The following SYNE1 variants were observed in gnomAD, a reference collection of about 807,000 sequenced individuals.
SYNE1 encodes the protein spectrin repeat containing nuclear envelope protein 1.
Under a neutral mutation model 1,111.0 loss-of-function variants are expected in SYNE1, and 616 were observed. The ratio of observed to expected loss-of-function variants is 0.55; its 90% CI spans 0.52 to 0.59. The LOEUF (loss-of-function observed/expected upper bound fraction) is 0.59. Ranked by LOEUF, SYNE1 falls within the 20% of genes least tolerant of loss-of-function variation. The probability of loss-of-function intolerance (pLI) is 0.00; values close to 1 mark genes in which losing one functional copy is unlikely to be tolerated. For synonymous variants in SYNE1, 3,855 were observed against 3,825.8 expected, an observed-to-expected ratio of 1.01 and a Z score of -0.28; for missense variants, 10,006 against 10,417.0, an observed-to-expected ratio of 0.96 and a Z score of 1.72.
chr6:152,242,949 A>G (rs1158632813), intron 106 of SYNE1, among the ~76,000 whole-genome samples: 1 of 152,208 alleles, frequency 6.6e-6, no homozygotes, highest in Non-Finnish European at 1.5e-5. Flanking sequence ...TGCAATTTAG[A>G]TTGATTACAA....
Position 152,278,228 on chromosome 6 carries a change from A to T in SYNE1, c.18434T>A (p.Val6145Asp). Residue 6145 changes from valine to aspartate, a missense_variant, in exon 98 of 146, where the codon GTC becomes GAC. Val to Asp is a radical substitution (Grantham distance 152). Coordinates refer to ENST00000367255, the MANE Select transcript of SYNE1 (RefSeq NM_182961.4). ...CTCCAGCAGCAGGTTCTCATTGTGGACTGACAGTTCTGATAAAGCCACCAC... is the reference window on the plus strand; with the variant it reads ...CTCCAGCAGCAGGTTCTCATTGTGGTCTGACAGTTCTGATAAAGCCACCAC... The part of the protein sequence containing the change: ...QKVVALSELS[V>D]HNENLLLEGK... 1 of 1,614,120 alleles carries T rather than the reference A, an allele frequency of 6.2e-7. No homozygotes were observed. Among genetic ancestry groups the T allele is most frequent in the Non-Finnish European group, 8.5e-7 (1 of 1,180,032 alleles).
At chr6:152,237,980 A>T (rs2084616202) in intron 108 of SYNE1, among the ~76,000 whole-genome samples, 1 of 152,190 alleles carries the variant, frequency 6.6e-6, no homozygotes, top group Non-Finnish European at 1.5e-5. Context: ...CTTACCAAAT[A>T]TCTATTGCCT....
chr6:152,302,476 C>T (rs1300182879), intron 91 of SYNE1, among the ~76,000 whole-genome samples: 1 of 152,132 alleles, frequency 6.6e-6, no homozygotes, highest in East Asian at 1.9e-4. Flanking sequence ...GCTAAAACCA[C>T]ACCAAAAAAA....
Position 152,541,514 on chromosome 6 carries a change from C to T in SYNE1, c.68-1493G>A, listed in dbSNP as rs560139470. ...CTGTAATCCCAGCACTTTGGGAGGC[C>T]GAGGCAGGCAGATTACGAGGTCAGG... is the stretch of plus-strand genomic sequence containing the variant. On this transcript the variant is annotated intron_variant, in intron 3 of 145. Transcript: ENST00000367255. 2.0e-5 allele frequency among the ~76,000 whole-genome samples: 3 copies of T among 151,902 alleles called. No homozygotes were observed. The East Asian group carries it at 5.8e-4, about 29-fold the overall frequency.
At chr6:152,585,814 T>C (rs2128466148) in intron 3 of SYNE1, among the ~76,000 whole-genome samples, 1 of 152,348 alleles carries the variant, frequency 6.6e-6, no homozygotes, top group Middle Eastern at 3.4e-3. Flanking sequence ...CCATATGGAA[T>C]CGTAAAAATA....
In SYNE1 at chr6:152,218,325, G is replaced by C; in HGVS notation, c.22123C>G (p.Leu7375Val). The change falls in exon 121 of 146, where the codon CTA becomes GTA. Residue 7375 changes from leucine (L) to valine (V), a missense_variant. Coordinates refer to ENST00000367255, the MANE Select transcript of SYNE1 (RefSeq NM_182961.4). ...EAWIVEAEEI[L>V]QGQDPSHSSD... is the part of the protein sequence containing the mutation. ...GAGTGGCTAGGGTCCTGCCCTTGTA[G>C]TATTTCTTCAGCTTCCACTATCCAG... 6.2e-7 allele frequency: 1 copy of C among 1,613,940 alleles called. No individual in the cohort carries two copies. The highest frequency in any genetic ancestry group is 8.5e-7 in the Non-Finnish European group (1 of 1,179,950).
rs34186293 is a variant in SYNE1 at position 152,336,631 on chromosome 6, C to T, written c.12528+210G>A. On this transcript the variant is annotated intron_variant, in intron 76 of 145. Transcript: ENST00000367255. ...TGGAGTTCAGGCATTAATGCTTGCT[C>T]GCCTCCCACTGTGCGGCCAGGTTCC... The T allele has an allele frequency of 0.076, 48,175 of 636,608 alleles. 1,967 individuals are homozygous for T. The highest frequency in any genetic ancestry group is 0.11 in the East Asian group (3,809 of 34,042). The allele number at this position is 636,608 out of a possible 1,614,324, so 39.4% of individuals were successfully genotyped here.
chr6:152,346,746 C>G (rs968892259), intron 73 of SYNE1, among the ~76,000 whole-genome samples: 4 of 152,080 alleles, frequency 2.6e-5, no homozygotes, highest in Non-Finnish European at 5.9e-5. Context: ...GGAGGCGGAG[C>G]TTGCAGTGAG....
In SYNE1 at chr6:152,233,879, C is replaced by A. The variant is rs1325926532; in HGVS notation, c.20614G>T (p.Val6872Leu). The A allele has an allele frequency of 6.2e-7, 1 of 1,614,184 alleles. No homozygotes were observed. Among genetic ancestry groups the A allele is most frequent in the Admixed American group, 1.7e-5 (1 of 60,028 alleles). Residue 6872 changes from valine (V) to leucine (L), a missense_variant, in exon 112 of 146, where the codon GTG becomes TTG. By Grantham distance (32) the Val-to-Leu change is conservative. Transcript: ENST00000367255. ...TCAGAGCGCAGCGTGGCTGTGTCCA[C>A]CTTTTTTAGTCGAAGGAGCTGATTT... ...TGNQLLRLKK[V>L]DTATLRSELS... is the part of the protein sequence containing the mutation.
intron 3 of SYNE1, among the ~76,000 whole-genome samples, chr6:152,548,519 T>TG (rs2099325726): frequency 6.6e-6 from 1 of 152,202 alleles, no homozygotes; most frequent in South Asian, 2.1e-4. Context: ...GGGGAGCAGG[T>TG]AACTTCTCTT....
chr6:152,311,028 C>A, intron 87 of SYNE1, 155 bp from the exon 88 acceptor site: 1 of 731,328 alleles, frequency 1.4e-6, no homozygotes, highest in South Asian at 1.6e-5. Flanking sequence ...TTGGTAGCCA[C>A]TTACTATTAT....
intron 60 of SYNE1, 37 bp downstream of exon 60, chr6:152,369,434 T>G: frequency 6.2e-7 from 1 of 1,613,974 alleles, no homozygotes; most frequent in African/African-American, 1.3e-5. Flanking sequence ...GGACAAAGAC[T>G]AGGTCAGATG....
chr6:152,425,652 G>A, intron 38 of SYNE1, 105 bp from the exon 39 acceptor site: 1 of 1,340,066 alleles, frequency 7.5e-7, no homozygotes, highest in Non-Finnish European at 1.1e-6. Flanking sequence ...CTTGCAAAAT[G>A]CAAGTCATTC....
chr6:152,303,496 T>TAC (rs1014666058), intron 91 of SYNE1, among the ~76,000 whole-genome samples: 9 of 151,954 alleles, frequency 5.9e-5, no homozygotes, highest in Admixed American at 5.9e-4. Context: ...CATTCATATA[T>TAC]ATACACACAC....
intron 91 of SYNE1, among the ~76,000 whole-genome samples, chr6:152,306,930 A>C (rs1160409586): frequency 6.6e-6 from 1 of 151,158 alleles, no homozygotes; most frequent in East Asian, 1.9e-4. Context: ...AAAAAGCACA[A>C]GTTTCTTGGG....
intron 32 of SYNE1, among the ~76,000 whole-genome samples, chr6:152,437,194 A>T (rs908973613): frequency 3.3e-5 from 5 of 152,168 alleles, no homozygotes; most frequent in Admixed American, 6.5e-5. Context: ...CCATTTTGTT[A>T]ACTAGTTCTC....
In SYNE1 at chr6:152,218,925, G is replaced by A. The variant is rs1211094851; in HGVS notation, c.22044+78C>T. On this transcript the variant is annotated intron_variant, in intron 120 of 145. Coordinates refer to ENST00000367255, the MANE Select transcript of SYNE1 (RefSeq NM_182961.4). ...GAAGGAGGCATTGTTGCCATGACAA[G>A]GAATTCTTTTTCTGTGTTTGTGCCC... The A allele has an allele frequency of 2.8e-6, 4 of 1,447,194 alleles. No homozygotes were observed. The African/African-American group carries it at 5.6e-5, about 20-fold the overall frequency. The allele number at this position is 1,447,194 out of a possible 1,614,324, so 89.6% of individuals were successfully genotyped here.
intron 63 of SYNE1, among the ~76,000 whole-genome samples, chr6:152,362,732 A>G (rs2096955550): frequency 6.6e-6 from 1 of 152,184 alleles, no homozygotes. Flanking sequence ...AGGAGAGAAA[A>G]GTAAGAACAG....
rs935815290 is a variant in SYNE1 at position 152,414,802 on chromosome 6, A to G, written c.6051-1271T>C. 5.3e-5 allele frequency among the ~76,000 whole-genome samples: 8 copies of G among 151,350 alleles called. No homozygotes were observed. The East Asian group carries it at 7.9e-4, about 15-fold the overall frequency. On this transcript the variant is annotated intron_variant, in intron 41 of 145. Transcript: ENST00000367255. ...AAGGCCATGACACCCTGCAGCACCAATGATACTGCTGGCATCCAGGGTGAG... is the reference window on the plus strand; with the variant it reads ...AAGGCCATGACACCCTGCAGCACCAGTGATACTGCTGGCATCCAGGGTGAG...
Sources: gnomAD v4.1 joint callset for allele counts (sites outside exome capture counted in the v4.1 genomes callset) on GRCh38, gnomAD v4.1.1 for gene constraint, MANE v1.5 for transcripts, NCBI Gene and HGNC (gene_info 2026-07-23, HGNC 2026-07-21) for gene names.